ADAMTSL1: variants seen among roughly 807,000 people sequenced by gnomAD.
ADAMTSL1 encodes ADAMTS like 1.
A neutral mutation model predicts 201.8 loss-of-function variants in ADAMTSL1; 126 were observed. The observed-to-expected ratio is 0.62, with a 90% confidence interval of 0.54 to 0.72. The LOEUF is 0.72. Among genes scored for constraint, ADAMTSL1 ranks in the 30% least tolerant of loss-of-function variants. The pLI is 0.00. For missense variants in ADAMTSL1, 2,679 were observed against 2,277.8 expected, an observed-to-expected ratio of 1.18 and a Z score of -3.59; for synonymous variants, 1,121 against 903.4, an observed-to-expected ratio of 1.24 and a Z score of -4.32.
chr9:18,153,915 G>T (rs939885017), intron 1 of ADAMTSL1, among the ~76,000 whole-genome samples: 2 of 151,948 alleles, frequency 1.3e-5, no homozygotes, highest in African/African-American at 2.4e-5. Context: ...TCATTACACG[G>T]CTTTAATGTT....
At chr9:18,672,395 ATATAT>A (rs1200497118) in intron 9 of ADAMTSL1, among the ~76,000 whole-genome samples, 1 of 152,242 alleles carries the variant, frequency 6.6e-6, no homozygotes, top group East Asian at 1.9e-4. Context: ...GTAAAAGGTG[ATATAT>A]TATAGAAAGC....
chr9:18,332,099 A>C (rs1835052719), intron 2 of ADAMTSL1, among the ~76,000 whole-genome samples: 1 of 152,186 alleles, frequency 6.6e-6, no homozygotes, highest in Admixed American at 6.5e-5. Context: ...TAGTAAATTC[A>C]GGAGCTGGAG....
At chr9:18,179,773 C>T (rs1317274898) in intron 2 of ADAMTSL1, among the ~76,000 whole-genome samples, 1 of 151,868 alleles carries the variant, frequency 6.6e-6, no homozygotes, top group African/African-American at 2.4e-5. Flanking sequence ...TCCAGCCAAA[C>T]TAAGCTTCAT....
At chr9:18,721,405 G>GC in intron 14 of ADAMTSL1, 131 bp from the exon 15 acceptor site, 1 of 1,293,816 alleles carries the variant, frequency 7.7e-7, no homozygotes, top group Non-Finnish European at 1.1e-6. Context: ...GCTTTAAACT[G>GC]CCATCTCTGA....
chr9:18,165,989 C>T (rs1003005352), intron 2 of ADAMTSL1, among the ~76,000 whole-genome samples: 1 of 151,870 alleles, frequency 6.6e-6, no homozygotes, highest in African/African-American at 2.4e-5. Context: ...GGAGGAGGCT[C>T]TTCAGCAGAA....
At chr9:18,849,634 G>A (rs977226710) in intron 23 of ADAMTSL1, among the ~76,000 whole-genome samples, 1 of 152,316 alleles carries the variant, frequency 6.6e-6, no homozygotes, top group South Asian at 2.1e-4. Context: ...CCCTTGAGGA[G>A]TGGGAAAGGA....
chr9:18,549,261 C>G (rs950778033), intron 3 of ADAMTSL1, among the ~76,000 whole-genome samples: 4 of 151,940 alleles, frequency 2.6e-5, no homozygotes, highest in African/African-American at 4.8e-5. Flanking sequence ...AAGAATGAAA[C>G]TTAGACTAAA....
At chr9:18,771,667 CAT>C (rs1820693265) in intron 17 of ADAMTSL1, among the ~76,000 whole-genome samples, 1 of 147,690 alleles carries the variant, frequency 6.8e-6, no homozygotes, top group South Asian at 2.2e-4. Flanking sequence ...CTTTTTCTAG[CAT>C]ATAAGCATTT....
intron 1 of ADAMTSL1, among the ~76,000 whole-genome samples, chr9:18,025,206 G>T (rs1361354384): frequency 6.6e-6 from 1 of 151,990 alleles, no homozygotes. Context: ...CCATTTAGTA[G>T]GTTGTCTGTT....
rs558042471 is a variant in ADAMTSL1, at chr9:18,310,978, G to A, written c.207+146997G>A. On this transcript the variant is annotated intron_variant, in intron 2 of 29. Coordinates refer to the ADAMTSL1 transcript ENST00000680146. ...CCAAATGCCCATCAGTGATAGACTG[G>A]ATTAAGAAAATGTGGCACATATACA... 7.9e-5 allele frequency among the ~76,000 whole-genome samples: 12 copies of A among 152,226 alleles called. No individual in the cohort carries two copies. In the East Asian group the frequency reaches 2.3e-3, roughly 29 times the overall value.
intron 20 of ADAMTSL1, among the ~76,000 whole-genome samples, chr9:18,814,626 C>T (rs1003262196): frequency 6.6e-6 from 1 of 152,256 alleles, no homozygotes; most frequent in Middle Eastern, 3.4e-3. Flanking sequence ...AGCAAACTAA[C>T]GCAAGAACAG....
rs1452902993 is a variant in ADAMTSL1, at chr9:18,374,585, C to T, written c.208-130244C>T. 2.6e-5 allele frequency among the ~76,000 whole-genome samples: 4 copies of T among 152,156 alleles called. 1 individual carries two copies. Among genetic ancestry groups the T allele is most frequent in the Non-Finnish European group, 5.9e-5 (4 of 68,026 alleles). ...CTGGGCTCAAGTAATCCTCCTGTCT[C>T]AGCCTCCCAAAATGCTAGGATTACA... On this transcript the variant is annotated intron_variant, in intron 2 of 29. Coordinates refer to the ADAMTSL1 transcript ENST00000680146.
At chr9:18,053,462 T>C (rs576531658) in intron 1 of ADAMTSL1, among the ~76,000 whole-genome samples, 59 of 152,364 alleles carry the variant, frequency 3.9e-4, no homozygotes, top group African/African-American at 1.3e-3. Context: ...ATGTTTCACA[T>C]GTGACAATCT....
chr9:18,323,277 CA>C (rs1267597560), intron 2 of ADAMTSL1, among the ~76,000 whole-genome samples: 2 of 151,814 alleles, frequency 1.3e-5, no homozygotes, highest in Non-Finnish European at 2.9e-5. Flanking sequence ...AGAGAATTAA[CA>C]AAAAAACTAT....
intron 6 of ADAMTSL1, among the ~76,000 whole-genome samples, chr9:18,638,036 CT>C (rs1827206177): frequency 6.6e-6 from 1 of 152,036 alleles, no homozygotes; most frequent in Admixed American, 6.6e-5. Context: ...TTGCTTTCCC[CT>C]GATGACAACA....
At chr9:18,517,895 G>C (rs1325012104) in intron 2 of ADAMTSL1, among the ~76,000 whole-genome samples, 1 of 152,204 alleles carries the variant, frequency 6.6e-6, no homozygotes, top group Non-Finnish European at 1.5e-5. Flanking sequence ...TTGTAGAACA[G>C]ATGTGAGGCC....
chr9:18,388,416 G>A (rs1837893900), intron 2 of ADAMTSL1, among the ~76,000 whole-genome samples: 1 of 152,014 alleles, frequency 6.6e-6, no homozygotes, highest in African/African-American at 2.4e-5. Context: ...GGAAACTACA[G>A]GCACATACCA....
At chr9:18,186,956 C>T (rs1476467536) in intron 2 of ADAMTSL1, among the ~76,000 whole-genome samples, 1 of 151,968 alleles carries the variant, frequency 6.6e-6, no homozygotes, top group Non-Finnish European at 1.5e-5. Context: ...GAACCAGGAC[C>T]CAGACTCAAG....
intron 3 of ADAMTSL1, among the ~76,000 whole-genome samples, chr9:18,538,389 C>A (rs1819925956): frequency 6.6e-6 from 1 of 152,084 alleles, no homozygotes; most frequent in Admixed American, 6.5e-5. Context: ...TTTATAATTT[C>A]TTTGAGCCTC....
Sources: allele counts gnomAD v4.1 joint callset (sites outside exome capture counted in the v4.1 genomes callset), GRCh38; gene constraint gnomAD v4.1.1; transcripts MANE v1.5; gene names NCBI Gene and HGNC (gene_info 2026-07-23, HGNC 2026-07-21).